Variants in MAGOH observed in about 807,000 individuals in gnomAD.
The protein encoded by MAGOH is mago homolog, exon junction complex subunit.
MAGOH carries 3 observed loss-of-function variants against 20.9 expected under a neutral mutation model. The ratio of observed to expected loss-of-function variants is 0.14; its 90% CI spans 0.07 to 0.37. The LOEUF (loss-of-function observed/expected upper bound fraction) is 0.37. Ranked by LOEUF, MAGOH falls within the 10% of genes least tolerant of loss-of-function variation. The pLI, the probability that MAGOH is intolerant of heterozygous loss-of-function variation, is 1.00. For synonymous variants in MAGOH, 51 were observed against 61.0 expected (o/e 0.84, Z 0.76); for missense variants, 66 against 178.1 (o/e 0.37, Z 3.58).
In MAGOH at chr1:53,233,682, G is replaced by A. The variant is rs76414257; in HGVS notation, c.148-30C>T. ...ACGCAAGTTAAAAAACAAAATGTAT[G>A]TTGTATCCTTAAGCAGTGCTTTGAC... On this transcript the variant is annotated intron_variant, in intron 2 of 4. Coordinates refer to ENST00000371470, the MANE Select transcript of MAGOH (RefSeq NM_002370.4). The A allele has an allele frequency of 4.9e-5, 68 of 1,388,964 alleles. No homozygotes were observed. In the East Asian group the frequency reaches 1.2e-3, roughly 25 times the overall value. The allele number at this position is 1,388,964 out of a possible 1,614,324, so 86.0% of individuals were successfully genotyped here.
At chr1:53,235,848 C>T (rs1336494124) in intron 1 of MAGOH, among the ~76,000 whole-genome samples, 1 of 152,240 alleles carries the variant, frequency 6.6e-6, no homozygotes, top group Non-Finnish European at 1.5e-5. Context: ...TGAAACTCAA[C>T]TACTGCAAAA....
chr1:53,231,173 G>A (rs563038692), intron 3 of MAGOH, among the ~76,000 whole-genome samples: 6 of 152,222 alleles, frequency 3.9e-5, no homozygotes, highest in African/African-American at 7.2e-5. Flanking sequence ...AAATGAAGCC[G>A]TAAATCTTTT....
intron 3 of MAGOH, among the ~76,000 whole-genome samples, chr1:53,230,216 A>G (rs1345779645): frequency 6.6e-6 from 1 of 152,132 alleles, no homozygotes; most frequent in Non-Finnish European, 1.5e-5. Context: ...TGATTCATAT[A>G]TCCTTTTTGT....
chr1:53,227,767 G>A (rs906671780), intron 4 of MAGOH, among the ~76,000 whole-genome samples: 3 of 152,074 alleles, frequency 2.0e-5, no homozygotes, highest in African/African-American at 4.8e-5. Flanking sequence ...TTGAACTCCC[G>A]ACCTCAGGTG....
chr1:53,229,105 C>T, intron 3 of MAGOH, 151 bp from the exon 4 acceptor site: 1 of 608,994 alleles, frequency 1.6e-6, no homozygotes, highest in Non-Finnish European at 3.0e-6. Flanking sequence ...CTGTGCTGGG[C>T]ACTAGAAACA....
chr1:53,238,122 C>T (rs1322089965), intron 1 of MAGOH, among the ~76,000 whole-genome samples: 1 of 152,226 alleles, frequency 6.6e-6, no homozygotes, highest in African/African-American at 2.4e-5. Context: ...TCTACCTTCG[C>T]TGCCGTATTC....
chr1:53,227,271 T>C (rs1645565018), intron 4 of MAGOH, 127 bp from the exon 5 acceptor site: 1 of 491,960 alleles, frequency 2.0e-6, no homozygotes, highest in South Asian at 4.1e-5. Flanking sequence ...GTTTTTAATA[T>C]AGGGAAATGC....
chr1:53,227,485 G>A (rs528452251), intron 4 of MAGOH, among the ~76,000 whole-genome samples: 1 of 152,146 alleles, frequency 6.6e-6, no homozygotes, highest in South Asian at 2.1e-4. Flanking sequence ...TACATTTCCT[G>A]TATTTTCTAC....
At chr1:53,228,567 T>A (rs1645571724) in intron 4 of MAGOH, among the ~76,000 whole-genome samples, 1 of 152,222 alleles carries the variant, frequency 6.6e-6, no homozygotes, top group Non-Finnish European at 1.5e-5. Flanking sequence ...TCGGTGACTC[T>A]ACAGTTTATC....
chr1:53,228,059 A>C (rs1000254317), intron 4 of MAGOH, among the ~76,000 whole-genome samples: 1 of 152,210 alleles, frequency 6.6e-6, no homozygotes, highest in Non-Finnish European at 1.5e-5. Flanking sequence ...TCATGCCTCA[A>C]CTTGATAATC....
In MAGOH at chr1:53,226,968, T is replaced by A. The variant is rs1332453908; in HGVS notation, c.*77A>T. Reference sequence around the variant, plus strand: ...TTTATTAAAGACAATCATTTATAGTTCATAAAAAAATACTGCCCTGATATA... The same window carrying A: ...TTTATTAAAGACAATCATTTATAGTACATAAAAAAATACTGCCCTGATATA... On this transcript the variant is annotated 3_prime_UTR_variant, in exon 5 of 5. Coordinates refer to ENST00000371470, the MANE Select transcript of MAGOH (RefSeq NM_002370.4). The A allele has an allele frequency of 1.4e-6, 1 of 705,104 alleles. No individual in the cohort carries two copies. Among genetic ancestry groups the A allele is most frequent in the African/African-American group, 1.9e-5 (1 of 53,280 alleles). 43.7% of individuals were successfully genotyped at this position (705,104 alleles called of 1,614,324 possible). A position where few individuals can be genotyped will look rare whatever the true frequency, so the allele number is the denominator to read the frequency against.
At chr1:53,230,877 G>C (rs1645582864) in intron 3 of MAGOH, among the ~76,000 whole-genome samples, 1 of 152,018 alleles carries the variant, frequency 6.6e-6, no homozygotes, top group African/African-American at 2.4e-5. Flanking sequence ...AAATGCTTGT[G>C]GTATTCCATT....
chr1:53,231,482 T>G (rs1645586051), intron 3 of MAGOH, among the ~76,000 whole-genome samples: 1 of 152,220 alleles, frequency 6.6e-6, no homozygotes, highest in Non-Finnish European at 1.5e-5. Context: ...CTGTTTAAAA[T>G]TTTTGATTTC....
At position 53,227,138 on chromosome 1, in the gene MAGOH, T is replaced by A. The variant is rs1328472554; in HGVS notation, c.348A>T (p.Pro116=). 6.3e-7 allele frequency: 1 copy of A among 1,581,930 alleles called. No individual in the cohort carries two copies. Among genetic ancestry groups the A allele is most frequent in the Non-Finnish European group, 8.6e-7 (1 of 1,166,838 alleles). ...GATAATAAAATACTCGTAAGCCTTC[T>A]GGATCCCTAAAATACAAAAGGAAAA... is the stretch of plus-strand genomic sequence containing the variant. ...SLIDVNQSKD[P]EGLRVFYYLV... The change falls in exon 5 of 5, where the codon CCA becomes CCT. Residue 116 remains proline (P), a synonymous_variant. Transcript: ENST00000371470.
At position 53,227,138 on chromosome 1, in the gene MAGOH, T is replaced by C; in HGVS notation, c.348A>G (p.Pro116=). The change falls in exon 5 of 5, where the codon CCA becomes CCG. Residue 116 remains proline, a synonymous_variant. Transcript: ENST00000371470. ...SLIDVNQSKD[P]EGLRVFYYLV... is the part of the protein sequence containing the mutation. ...GATAATAAAATACTCGTAAGCCTTC[T>C]GGATCCCTAAAATACAAAAGGAAAA... 1 of 1,582,048 alleles carries C rather than the reference T, an allele frequency of 6.3e-7. No individual in the cohort carries two copies. Among genetic ancestry groups the C allele is most frequent in the Non-Finnish European group, 8.6e-7 (1 of 1,166,830 alleles).
At chr1:53,230,744 G>A (rs747105740) in intron 3 of MAGOH, among the ~76,000 whole-genome samples, 12 of 152,110 alleles carry the variant, frequency 7.9e-5, no homozygotes, top group Admixed American at 6.6e-5. Context: ...TGGCCTAGAC[G>A]TGGTAGTGTG....
rs1460860898 is a variant in MAGOH, at chr1:53,238,461, A to G, written c.-13T>C. 1 of 1,611,858 alleles carries G rather than the reference A, an allele frequency of 6.2e-7. No individual in the cohort carries two copies. Among genetic ancestry groups the G allele is most frequent in the Non-Finnish European group, 8.5e-7 (1 of 1,178,050 alleles). On this transcript the variant is annotated 5_prime_UTR_variant, in exon 1 of 5. Transcript: ENST00000371470. ...AGTCACTCTCCATGGCTCCCAAAAGACAACCGAGCCTGAACTTCCAAGAGC... is the reference window on the plus strand; with the variant it reads ...AGTCACTCTCCATGGCTCCCAAAAGGCAACCGAGCCTGAACTTCCAAGAGC...
chr1:53,233,883 C>A, intron 2 of MAGOH: 1 of 389,764 alleles, frequency 2.6e-6, no homozygotes, highest in Non-Finnish European at 4.7e-6. Flanking sequence ...CCTGGTACAT[C>A]CTGTTCACAT....
At chr1:53,236,215 T>G (rs987294104) in intron 1 of MAGOH, among the ~76,000 whole-genome samples, 2 of 152,204 alleles carry the variant, frequency 1.3e-5, no homozygotes, top group African/African-American at 4.8e-5. Context: ...GACATACATG[T>G]GAGATGAGCC....
Sources: gnomAD v4.1 joint callset for allele counts (sites outside exome capture counted in the v4.1 genomes callset) on GRCh38, gnomAD v4.1.1 for gene constraint, MANE v1.5 for transcripts, NCBI Gene and HGNC (gene_info 2026-07-23, HGNC 2026-07-21) for gene names.